Variants in DLG2 observed in about 807,000 individuals in gnomAD.
DLG2 encodes the protein disks large homolog 2.
Under a neutral mutation model 132.5 loss-of-function variants are expected in DLG2, and 45 were observed. The ratio of observed to expected loss-of-function variants is 0.34; its 90% CI spans 0.27 to 0.44. DLG2 has a LOEUF of 0.44. Ranked by LOEUF, DLG2 falls within the 20% of genes least tolerant of loss-of-function variation. DLG2 has a pLI of 1.00. For missense variants in DLG2, 1,045 were observed against 1,196.9 expected (o/e 0.87, Z 1.87); for synonymous variants, 424 against 419.6 (o/e 1.01, Z -0.13).
chr11:84,357,362 G>A (rs1484135373), intron 7 of DLG2, among the ~76,000 whole-genome samples: 1 of 151,984 alleles, frequency 6.6e-6, no homozygotes, highest in Admixed American at 6.6e-5. Context: ...TTGACTCCAA[G>A]TCCATGTATG....
intron 6 of DLG2, among the ~76,000 whole-genome samples, chr11:84,619,854 T>A (rs1388195417): frequency 6.6e-6 from 1 of 151,466 alleles, no homozygotes; most frequent in Non-Finnish European, 1.5e-5. Flanking sequence ...AATAGAAAAA[T>A]TCAGTATCAT....
chr11:85,478,645 A>G (rs2093210186), intron 3 of DLG2, among the ~76,000 whole-genome samples: 3 of 152,214 alleles, frequency 2.0e-5, no homozygotes, highest in Admixed American at 2.0e-4. Flanking sequence ...TAAAATACAG[A>G]TAATTAACAA....
Position 84,849,158 on chromosome 11 carries a change from C to A in DLG2, c.357+262503G>T, listed in dbSNP as rs187371470. On this transcript the variant is annotated intron_variant, in intron 6 of 27. Coordinates refer to ENST00000376104, the MANE Select transcript of DLG2 (RefSeq NM_001142699.3). Reference sequence around the variant, plus strand: ...GAGGCCAAATTGTCCAGCTTCTGAACCAACAGTCAAACAGCGTAAGAGACT... The same window carrying A: ...GAGGCCAAATTGTCCAGCTTCTGAAACAACAGTCAAACAGCGTAAGAGACT... 3.9e-5 allele frequency among the ~76,000 whole-genome samples: 6 copies of A among 152,242 alleles called. No homozygotes were observed. In the East Asian group the frequency reaches 9.7e-4, roughly 25 times the overall value.
At chr11:83,733,709 C>CTTCAA (rs1283642589) in intron 18 of DLG2, among the ~76,000 whole-genome samples, 1 of 152,216 alleles carries the variant, frequency 6.6e-6, no homozygotes, top group Non-Finnish European at 1.5e-5. Flanking sequence ...TAGCAATCAA[C>CTTCAA]TTCAAATCCC....
chr11:84,318,124 AT>A (rs2154395797), intron 7 of DLG2, among the ~76,000 whole-genome samples: 1 of 152,328 alleles, frequency 6.6e-6, no homozygotes, highest in African/African-American at 2.4e-5. Context: ...GCCATACAGT[AT>A]TTTGGTTTCC....
intron 6 of DLG2, among the ~76,000 whole-genome samples, chr11:84,743,279 A>G (rs2064926740): frequency 6.6e-6 from 1 of 152,180 alleles, no homozygotes; most frequent in Non-Finnish European, 1.5e-5. Context: ...CATATCTATT[A>G]ACACTGTTAC....
In DLG2 at chr11:85,532,570, T is replaced by G. The variant is rs2075280785; in HGVS notation, c.40+66087A>C. Among the ~76,000 whole-genome samples the G allele has an allele frequency of 3.3e-5, 5 of 152,374 alleles. No individual in the cohort carries two copies. The South Asian group carries it at 1.0e-3, about 32-fold the overall frequency. On this transcript the variant is annotated intron_variant, in intron 3 of 27. Coordinates refer to ENST00000376104, the MANE Select transcript of DLG2 (RefSeq NM_001142699.3). ...GTATCACAGAGCACACCAACTATTG[T>G]TACCTATATGTATGGTCTACAGATA...
At chr11:84,039,375 C>A (rs111966316) in intron 11 of DLG2, among the ~76,000 whole-genome samples, 5 of 125,780 alleles carry the variant, frequency 4.0e-5, no homozygotes, top group South Asian at 3.1e-4. Context: ...CCCCCGCCCC[C>A]CACCCCACAA....
chr11:83,838,105 T>G (rs940435119), intron 16 of DLG2, among the ~76,000 whole-genome samples: 2 of 152,138 alleles, frequency 1.3e-5, no homozygotes, highest in African/African-American at 4.8e-5. Flanking sequence ...GTGCTAGATA[T>G]TGTGCTTGAT....
intron 22 of DLG2, among the ~76,000 whole-genome samples, chr11:83,474,870 G>A (rs921787206): frequency 6.6e-6 from 1 of 152,102 alleles, no homozygotes; most frequent in Non-Finnish European, 1.5e-5. Context: ...CTGATGGAAC[G>A]TTCTAAAGGC....
chr11:83,778,543 C>A (rs2153854630), intron 18 of DLG2, among the ~76,000 whole-genome samples: 1 of 152,100 alleles, frequency 6.6e-6, no homozygotes, highest in East Asian at 1.9e-4. Flanking sequence ...TGTAATCATA[C>A]AATGAGAGGA....
chr11:84,935,243 TC>T (rs1424832848), intron 6 of DLG2, among the ~76,000 whole-genome samples: 2 of 152,340 alleles, frequency 1.3e-5, no homozygotes, highest in East Asian at 3.9e-4. Context: ...CTAAATGTTT[TC>T]CTTAAATATA....
chr11:84,985,807 A>T (rs1462439893), intron 6 of DLG2, among the ~76,000 whole-genome samples: 2 of 152,022 alleles, frequency 1.3e-5, no homozygotes, highest in African/African-American at 4.8e-5. Flanking sequence ...AGCCTGGCCA[A>T]CATGATGAAA....
At chr11:84,804,626 A>C (rs1170728712) in intron 6 of DLG2, among the ~76,000 whole-genome samples, 1 of 152,184 alleles carries the variant, frequency 6.6e-6, no homozygotes. Context: ...ACTCAGAAAC[A>C]TCAACAGAGG....
At chr11:85,072,674 G>C (rs1170003648) in intron 6 of DLG2, among the ~76,000 whole-genome samples, 1 of 151,704 alleles carries the variant, frequency 6.6e-6, no homozygotes, top group Non-Finnish European at 1.5e-5. Flanking sequence ...TTTGTCCTAG[G>C]TTACAGCACT....
intron 6 of DLG2, among the ~76,000 whole-genome samples, chr11:84,586,592 TTAATC>T (rs780615468): frequency 3.3e-5 from 5 of 152,186 alleles, no homozygotes; most frequent in Non-Finnish European, 7.3e-5. Flanking sequence ...ACTGGCAAGT[TTAATC>T]TATTTATATT....
chr11:84,819,077 A>ACACACACACACACACG (rs2077389554), intron 6 of DLG2, among the ~76,000 whole-genome samples: 1 of 11,064 alleles, frequency 9.0e-5, no homozygotes. Context: ...ACTCACAAAT[A>ACACACACACACACACG]CACACACACA....
At chr11:84,401,787 A>C (rs1446482513) in intron 7 of DLG2, among the ~76,000 whole-genome samples, 1 of 152,158 alleles carries the variant, frequency 6.6e-6, no homozygotes, top group East Asian at 1.9e-4. Context: ...GCTTCATGCC[A>C]TTCTCTTGCC....
At chr11:84,970,226 CA>C (rs1215349355) in intron 6 of DLG2, among the ~76,000 whole-genome samples, 1 of 151,940 alleles carries the variant, frequency 6.6e-6, no homozygotes, top group African/African-American at 2.4e-5. Context: ...AATACTAAGC[CA>C]AATTTTAAAG....
Sources: allele counts gnomAD v4.1 joint callset (sites outside exome capture counted in the v4.1 genomes callset), GRCh38; gene constraint gnomAD v4.1.1; transcripts MANE v1.5; gene names NCBI Gene and HGNC (gene_info 2026-07-23, HGNC 2026-07-21).